The following ALK variants were observed in gnomAD, a reference collection of about 807,000 sequenced individuals.
ALK encodes the protein ALK receptor tyrosine kinase.
Under a neutral mutation model 163.1 loss-of-function variants are expected in ALK, and 74 were observed. The observed-to-expected ratio is 0.45, with a 90% confidence interval of 0.38 to 0.55. The LOEUF (loss-of-function observed/expected upper bound fraction) is 0.55, where lower values mean the gene tolerates loss of function less well. ALK is among the 20% of genes least tolerant of loss of function. The probability of loss-of-function intolerance (pLI) is 0.00; values close to 1 mark genes in which losing one functional copy is unlikely to be tolerated. For synonymous variants in ALK, 960 were observed against 843.2 expected (o/e 1.14, Z -2.40); for missense variants, 2,063 against 2,105.3 (o/e 0.98, Z 0.39).
At position 29,327,535 on chromosome 2, in the gene ALK, A is replaced by G. The variant is rs1188492384; in HGVS notation, c.1414+815T>C. 1.3e-5 allele frequency among the ~76,000 whole-genome samples: 2 copies of G among 152,212 alleles called. 1 individual carries two copies. The highest frequency in any genetic ancestry group is 2.9e-5 in the Non-Finnish European group (2 of 68,030). ...AGGCAAATCTATAGAAACAAAGATTAGTGGTTGGTTCAGGCTAATGGCAGG... is the reference window on the plus strand; with the variant it reads ...AGGCAAATCTATAGAAACAAAGATTGGTGGTTGGTTCAGGCTAATGGCAGG... On this transcript the variant is annotated intron_variant, in intron 6 of 28. Coordinates refer to ENST00000389048, the MANE Select transcript of ALK (RefSeq NM_004304.5).
intron 1 of ALK, among the ~76,000 whole-genome samples, chr2:29,754,831 A>T (rs1680469495): frequency 6.6e-6 from 1 of 152,284 alleles, no homozygotes; most frequent in Non-Finnish European, 1.5e-5. Flanking sequence ...CTCAGAAAAA[A>T]GTTCTAAATG....
chr2:29,317,101 C>T (rs867486516), intron 8 of ALK, among the ~76,000 whole-genome samples: 65 of 152,118 alleles, frequency 4.3e-4, no homozygotes, highest in African/African-American at 1.4e-3. Context: ...TGCCTGCATC[C>T]CTTAGCAGGG....
chr2:29,373,570 T>C (rs1047878963), intron 5 of ALK, among the ~76,000 whole-genome samples: 7 of 152,264 alleles, frequency 4.6e-5, no homozygotes, highest in South Asian at 4.1e-4. Flanking sequence ...GTTCCAATGA[T>C]CGAATATTTA....
chr2:29,432,737 C>CG (rs1315375420), intron 4 of ALK, among the ~76,000 whole-genome samples: 1 of 140,824 alleles, frequency 7.1e-6, no homozygotes, highest in Non-Finnish European at 1.6e-5. Context: ...TAGCCTTTTC[C>CG]TTTTTTTTTT....
At chr2:29,547,209 G>A (rs1331128081) in intron 3 of ALK, among the ~76,000 whole-genome samples, 1 of 152,224 alleles carries the variant, frequency 6.6e-6, no homozygotes, top group Non-Finnish European at 1.5e-5. Context: ...ACACACAGAA[G>A]TCAGAACCAT....
chr2:29,850,955 TG>T, intron 1 of ALK, among the ~76,000 whole-genome samples: 1 of 152,308 alleles, frequency 6.6e-6, no homozygotes, highest in South Asian at 2.1e-4. Flanking sequence ...CCGGTGCCGG[TG>T]TGTGCGCCTT....
chr2:29,569,563 TC>T (rs869268912), intron 3 of ALK, among the ~76,000 whole-genome samples: 313 of 76,026 alleles, frequency 4.1e-3, no homozygotes, highest in African/African-American at 0.017. Flanking sequence ...TCCCTTTTCT[TC>T]CCCCCCCCTA....
At chr2:29,729,099 G>A (rs1573588997) in intron 1 of ALK, among the ~76,000 whole-genome samples, 1 of 152,184 alleles carries the variant, frequency 6.6e-6, no homozygotes, top group African/African-American at 2.4e-5. Context: ...GAAGAGGCCT[G>A]GAACCCAGCC....
At chr2:29,669,637 T>C (rs1000967633) in intron 3 of ALK, among the ~76,000 whole-genome samples, 3 of 152,104 alleles carry the variant, frequency 2.0e-5, no homozygotes, top group Non-Finnish European at 4.4e-5. Context: ...ACTGCCATTT[T>C]ATTCTCTGCT....
chr2:29,338,375 C>A (rs1316136909), intron 5 of ALK, among the ~76,000 whole-genome samples: 1 of 152,188 alleles, frequency 6.6e-6, no homozygotes, highest in Non-Finnish European at 1.5e-5. Flanking sequence ...TACCATAAAC[C>A]TTTGCTGGTT....
chr2:29,508,214 T>C (rs544352139), intron 4 of ALK, among the ~76,000 whole-genome samples: 18 of 152,298 alleles, frequency 1.2e-4, no homozygotes, highest in African/African-American at 4.1e-4. Context: ...TGTTCTGGCC[T>C]CTAGCTTCAG....
intron 4 of ALK, among the ~76,000 whole-genome samples, chr2:29,515,009 TTTCCCCTGGCC>T: frequency 6.6e-6 from 1 of 152,218 alleles, no homozygotes; most frequent in East Asian, 1.9e-4. Flanking sequence ...CTGCCTGTCC[TTTCCCCTGGCC>T]TTCTCTCCAG....
intron 5 of ALK, among the ~76,000 whole-genome samples, chr2:29,365,173 C>A (rs918545346): frequency 3.9e-5 from 6 of 152,170 alleles, no homozygotes; most frequent in Admixed American, 1.3e-4. Context: ...TTGGCTGAAG[C>A]AAGAGTTGCT....
intron 1 of ALK, among the ~76,000 whole-genome samples, chr2:29,737,422 A>G (rs888178168): frequency 1.3e-5 from 2 of 152,090 alleles, no homozygotes; most frequent in African/African-American, 4.8e-5. Flanking sequence ...TTTACATTTC[A>G]TATATAGTTT....
chr2:29,311,857 G>A (rs1666705042), intron 8 of ALK, among the ~76,000 whole-genome samples: 1 of 152,142 alleles, frequency 6.6e-6, no homozygotes, highest in Non-Finnish European at 1.5e-5. Context: ...TCAAGGTATG[G>A]GGTTATTGTT....
chr2:29,593,448 C>A (rs1032586486), intron 3 of ALK, among the ~76,000 whole-genome samples: 8 of 152,290 alleles, frequency 5.3e-5, no homozygotes, highest in Non-Finnish European at 1.0e-4. Flanking sequence ...CTGACACTGC[C>A]TTAGAGACCC....
intron 1 of ALK, among the ~76,000 whole-genome samples, chr2:29,910,728 G>C (rs759274072): frequency 6.6e-6 from 1 of 152,166 alleles, no homozygotes; most frequent in Non-Finnish European, 1.5e-5. Context: ...CCACCTGAAA[G>C]TATACCCAGT....
chr2:29,819,610 T>C (rs1025846712), intron 1 of ALK, among the ~76,000 whole-genome samples: 1 of 152,272 alleles, frequency 6.6e-6, no homozygotes, highest in Non-Finnish European at 1.5e-5. Context: ...ATAAAAAGTT[T>C]CTTAGCAAAT....
At chr2:29,738,550 G>A (rs1386521453) in intron 1 of ALK, among the ~76,000 whole-genome samples, 1 of 152,038 alleles carries the variant, frequency 6.6e-6, no homozygotes, top group Non-Finnish European at 1.5e-5. Flanking sequence ...TTTAGAGAAG[G>A]TTGCCCAGGT....
Sources: allele counts gnomAD v4.1 joint callset (sites outside exome capture counted in the v4.1 genomes callset), GRCh38; gene constraint gnomAD v4.1.1; transcripts MANE v1.5; gene names NCBI Gene and HGNC (gene_info 2026-07-23, HGNC 2026-07-21).